The following PTPRT variants were observed in gnomAD, a reference collection of about 807,000 sequenced individuals.
The protein encoded by PTPRT is receptor-type tyrosine-protein phosphatase T.
A neutral mutation model predicts 176.8 loss-of-function variants in PTPRT; 56 were observed. The ratio of observed to expected loss-of-function variants is 0.32; its 90% confidence interval spans 0.26 to 0.40. The LOEUF is 0.40. Among genes scored for constraint, PTPRT ranks in the 10% least tolerant of loss-of-function variants. The pLI, the probability that PTPRT is intolerant of heterozygous loss-of-function variation, is 1.00. For synonymous variants in PTPRT, 783 were observed against 739.0 expected (o/e 1.06, Z -0.96); for missense variants, 1,540 against 1,908.2 (o/e 0.81, Z 3.60).
intron 6 of PTPRT, among the ~76,000 whole-genome samples, chr20:42,707,184 T>C (rs778726136): frequency 2.0e-5 from 3 of 152,190 alleles, no homozygotes; most frequent in African/African-American, 7.2e-5. Context: ...GTTTGTTGTT[T>C]TTTTTGCCAC....
chr20:42,811,327 CG>C (rs1189300338), intron 2 of PTPRT, among the ~76,000 whole-genome samples: 1 of 151,274 alleles, frequency 6.6e-6, no homozygotes, highest in Non-Finnish European at 1.5e-5. Context: ...GGCGGATGGA[CG>C]GAAGAATAGG....
chr20:42,304,623 T>G (rs1374970226), intron 12 of PTPRT, among the ~76,000 whole-genome samples: 1 of 152,114 alleles, frequency 6.6e-6, no homozygotes, highest in Non-Finnish European at 1.5e-5. Context: ...AATGCTGAGG[T>G]GAAACAAACT....
At chr20:42,307,825 A>G (rs1332357445) in intron 12 of PTPRT, among the ~76,000 whole-genome samples, 1 of 152,190 alleles carries the variant, frequency 6.6e-6, no homozygotes. Flanking sequence ...TCACAGGAAG[A>G]AACAGGAGGT....
At chr20:42,876,971 T>A (rs2078942567) in intron 2 of PTPRT, among the ~76,000 whole-genome samples, 2 of 152,144 alleles carry the variant, frequency 1.3e-5, no homozygotes, top group Non-Finnish European at 1.5e-5. Context: ...GAAGGAAAAG[T>A]GGAGCTGTGC....
chr20:42,539,576 T>C (rs2072541013), intron 7 of PTPRT, among the ~76,000 whole-genome samples: 1 of 150,488 alleles, frequency 6.6e-6, no homozygotes, highest in Non-Finnish European at 1.5e-5. Flanking sequence ...GCATCAAACA[T>C]GAAAGATAGA....
Position 42,074,441 on chromosome 20 carries a change from G to A in PTPRT, c.*6438C>T. On this transcript the variant is annotated 3_prime_UTR_variant, in exon 31 of 31. Coordinates refer to ENST00000373187, the MANE Select transcript of PTPRT (RefSeq NM_007050.6). ...ACCCTGAGCTCCAGGCTTTTATACTGATACTTTTCTGTCCAACACTTCAAG... is the reference window on the plus strand; with the variant it reads ...ACCCTGAGCTCCAGGCTTTTATACTAATACTTTTCTGTCCAACACTTCAAG... 1 of 273,446 alleles carries A rather than the reference G, an allele frequency of 3.7e-6. No homozygotes were observed. Among genetic ancestry groups the A allele is most frequent in the East Asian group, 5.4e-5 (1 of 18,480 alleles). The allele number at this position is 273,446 out of a possible 1,614,324, so 16.9% of individuals were successfully genotyped here. A position where few individuals can be genotyped will look rare whatever the true frequency, so the allele number is the denominator to read the frequency against.
At chr20:42,477,660 C>G (rs2071314093) in intron 7 of PTPRT, among the ~76,000 whole-genome samples, 1 of 152,284 alleles carries the variant, frequency 6.6e-6, no homozygotes, top group Admixed American at 6.5e-5. Flanking sequence ...GTAAATACAG[C>G]CAAGCCTAGA....
intron 18 of PTPRT, among the ~76,000 whole-genome samples, chr20:42,133,684 T>C (rs1988241660): frequency 1.3e-5 from 2 of 152,186 alleles, no homozygotes; most frequent in African/African-American, 2.4e-5. Context: ...GAATAAACTA[T>C]GGACTTTAGC....
At chr20:42,698,602 C>T (rs2075922367) in intron 6 of PTPRT, among the ~76,000 whole-genome samples, 1 of 152,152 alleles carries the variant, frequency 6.6e-6, no homozygotes, top group African/African-American at 2.4e-5. Flanking sequence ...TAGGTCTCAA[C>T]CCTTACCAAT....
chr20:43,060,007 T>C (rs1987389428), intron 1 of PTPRT, among the ~76,000 whole-genome samples: 1 of 150,392 alleles, frequency 6.6e-6, no homozygotes. Context: ...AAAAAAAAAA[T>C]ACATTATTTT....
Position 42,491,919 on chromosome 20 carries a change from T to C in PTPRT, c.1154-19357A>G, listed in dbSNP as rs116324766. On this transcript the variant is annotated intron_variant, in intron 7 of 30. Transcript: ENST00000373187. Reference sequence around the variant, plus strand: ...TTTTTTTATCATTTCATAAATGTTATATAAAAGAAATAATATACTATGTAA... The same window carrying C: ...TTTTTTTATCATTTCATAAATGTTACATAAAAGAAATAATATACTATGTAA... 4.8e-3 allele frequency among the ~76,000 whole-genome samples: 725 copies of C among 152,292 alleles called. 7 individuals carry two copies. Among genetic ancestry groups the C allele is most frequent in the African/African-American group, 0.017 (692 of 41,552 alleles).
intron 1 of PTPRT, among the ~76,000 whole-genome samples, chr20:43,047,816 A>T (rs903311019): frequency 6.6e-6 from 1 of 152,162 alleles, no homozygotes; most frequent in Non-Finnish European, 1.5e-5. Context: ...ACAGAACTCC[A>T]TAAAATAGGG....
At chr20:42,702,007 A>G (rs143468438) in intron 6 of PTPRT, among the ~76,000 whole-genome samples, 32 of 152,058 alleles carry the variant, frequency 2.1e-4, no homozygotes, top group African/African-American at 7.0e-4. Context: ...CACCGAGGTT[A>G]ACCCTTACCC....
chr20:42,051,608 C>A, the PTPRT span, among the ~76,000 whole-genome samples: 4 of 152,140 alleles, frequency 2.6e-5, no homozygotes, highest in African/African-American at 4.8e-5. Context: ...GGTTGTCAGA[C>A]CCCCATGGGG....
intron 1 of PTPRT, among the ~76,000 whole-genome samples, chr20:43,057,590 T>C (rs897517553): frequency 6.6e-6 from 1 of 152,246 alleles, no homozygotes; most frequent in Non-Finnish European, 1.5e-5. Context: ...AATATTACTA[T>C]GATTATGTAA....
At chr20:42,327,228 A>T (rs553291670) in intron 11 of PTPRT, among the ~76,000 whole-genome samples, 227 of 152,102 alleles carry the variant, frequency 1.5e-3, no homozygotes, top group Admixed American at 3.3e-3. Context: ...ATGAGATGAA[A>T]TCATCAAATT....
chr20:42,550,059 C>A (rs961042508), intron 7 of PTPRT, among the ~76,000 whole-genome samples: 1 of 152,076 alleles, frequency 6.6e-6, no homozygotes, highest in Non-Finnish European at 1.5e-5. Flanking sequence ...TGAAAAATCA[C>A]GAGAGCCATT....
chr20:42,457,443 T>C (rs2070943196), intron 8 of PTPRT, among the ~76,000 whole-genome samples: 1 of 152,220 alleles, frequency 6.6e-6, no homozygotes, highest in Non-Finnish European at 1.5e-5. Flanking sequence ...AGGGGGTATT[T>C]ACTTTGCACT....
intron 1 of PTPRT, among the ~76,000 whole-genome samples, chr20:43,051,633 A>G (rs1281135490): frequency 6.6e-6 from 1 of 150,450 alleles, no homozygotes; most frequent in African/African-American, 2.5e-5. Context: ...TGTAAAAAAA[A>G]AAAAAAAAAA....
Sources: allele counts gnomAD v4.1 joint callset (sites outside exome capture counted in the v4.1 genomes callset), GRCh38; gene constraint gnomAD v4.1.1; transcripts MANE v1.5; gene names NCBI Gene and HGNC (gene_info 2026-07-23, HGNC 2026-07-21).